Variants in RTKN2 observed in about 807,000 individuals in gnomAD.
The protein encoded by RTKN2 is rhotekin-2.
Under a neutral mutation model 71.5 loss-of-function variants are expected in RTKN2, and 69 were observed. That is an observed-to-expected ratio of 0.96 (90% CI 0.79 to 1.18). The LOEUF (loss-of-function observed/expected upper bound fraction) is 1.18, where lower values mean the gene tolerates loss of function less well. RTKN2 is among the 50% of genes most tolerant of loss of function. The probability of loss-of-function intolerance (pLI) is 0.00; values close to 1 mark genes in which losing one functional copy is unlikely to be tolerated. For synonymous variants in RTKN2, 236 were observed against 236.5 expected, an observed-to-expected ratio of 1.00 and a Z score of 0.02; for missense variants, 724 against 719.7, an observed-to-expected ratio of 1.01 and a Z score of -0.07.
downstream of RTKN2, among the ~76,000 whole-genome samples, chr10:62,190,242 G>A (rs942812792): frequency 2.0e-5 from 3 of 152,148 alleles, no homozygotes; most frequent in Non-Finnish European, 4.4e-5. Context: ...GCAAACCTTG[G>A]TCTCAATGCT....
intron 11 of RTKN2, among the ~76,000 whole-genome samples, chr10:62,198,813 A>T (rs1841383708): frequency 1.3e-5 from 2 of 152,206 alleles, no homozygotes; most frequent in African/African-American, 4.8e-5. Flanking sequence ...TATTTATGAG[A>T]TAACATTTCC....
chr10:62,207,738 AT>A (rs998138478), intron 9 of RTKN2, among the ~76,000 whole-genome samples: 4 of 152,144 alleles, frequency 2.6e-5, no homozygotes, highest in African/African-American at 7.2e-5. Flanking sequence ...TGGCTAAAAA[AT>A]ATTTAAAGAA....
At chr10:62,257,042 G>A (rs1842688909) in intron 2 of RTKN2, among the ~76,000 whole-genome samples, 1 of 152,008 alleles carries the variant, frequency 6.6e-6, no homozygotes, top group Admixed American at 6.6e-5. Flanking sequence ...GGGGATACAA[G>A]GCAAAACTTT....
intron 2 of RTKN2, among the ~76,000 whole-genome samples, chr10:62,257,076 G>A: frequency 6.6e-6 from 1 of 152,266 alleles, no homozygotes; most frequent in East Asian, 1.9e-4. Context: ...ACATTAAATT[G>A]TTCTTAAGTA....
chr10:62,235,633 C>A (rs903809791), intron 6 of RTKN2, among the ~76,000 whole-genome samples: 11 of 151,320 alleles, frequency 7.3e-5, no homozygotes, highest in Non-Finnish European at 1.5e-4. Flanking sequence ...TTAAAAATAT[C>A]ATGGAAAATT....
intron 9 of RTKN2, among the ~76,000 whole-genome samples, chr10:62,208,548 T>C (rs991516085): frequency 1.3e-5 from 2 of 152,206 alleles, no homozygotes; most frequent in African/African-American, 2.4e-5. Flanking sequence ...ACACATGACA[T>C]GTATTTAAAT....
intron 6 of RTKN2, among the ~76,000 whole-genome samples, chr10:62,229,829 TA>T: frequency 6.6e-6 from 1 of 152,330 alleles, no homozygotes; most frequent in Admixed American, 6.5e-5. Context: ...TTAACTACTT[TA>T]AGGTTAATAT....
At chr10:62,228,166 T>C (rs1301655868) in intron 6 of RTKN2, among the ~76,000 whole-genome samples, 9 of 152,114 alleles carry the variant, frequency 5.9e-5, no homozygotes, top group Admixed American at 5.9e-4. Context: ...ATACATGAAA[T>C]TTAATGAAAG....
chr10:62,187,838 T>C (rs1841161302), intron 8 of RTKN2, among the ~76,000 whole-genome samples: 1 of 152,192 alleles, frequency 6.6e-6, no homozygotes, highest in Admixed American at 6.5e-5. Context: ...CTGCCCCAAC[T>C]ACTCAGAGAG....
At chr10:62,248,691 G>A (rs1377106256) in intron 2 of RTKN2, among the ~76,000 whole-genome samples, 3 of 152,114 alleles carry the variant, frequency 2.0e-5, no homozygotes, top group African/African-American at 7.2e-5. Context: ...TCTGCCTGTA[G>A]GTAAATAAAA....
At chr10:62,253,851 C>A (rs1233791779) in intron 2 of RTKN2, among the ~76,000 whole-genome samples, 1 of 151,952 alleles carries the variant, frequency 6.6e-6, no homozygotes, top group East Asian at 1.9e-4. Context: ...ATAATTGATA[C>A]ATGATGAATC....
intron 6 of RTKN2, among the ~76,000 whole-genome samples, chr10:62,230,032 T>C (rs1842115420): frequency 1.3e-5 from 2 of 152,222 alleles, no homozygotes; most frequent in Non-Finnish European, 2.9e-5. Context: ...ATTGTCTAAA[T>C]ATCCCCCAAA....
chr10:62,227,806 C>CGGT (rs1842061154), intron 6 of RTKN2, among the ~76,000 whole-genome samples: 1 of 152,096 alleles, frequency 6.6e-6, no homozygotes, highest in African/African-American at 2.4e-5. Flanking sequence ...TGGAATAGAA[C>CGGT]GGTGGTGGTG....
intron 6 of RTKN2, among the ~76,000 whole-genome samples, chr10:62,225,971 C>T (rs549392964): frequency 2.0e-5 from 3 of 151,996 alleles, no homozygotes; most frequent in African/African-American, 4.8e-5. Context: ...TTAGTAGAGA[C>T]GGGGTTTCAC....
intron 2 of RTKN2, among the ~76,000 whole-genome samples, chr10:62,259,504 T>C (rs1842734547): frequency 6.6e-6 from 1 of 152,206 alleles, no homozygotes; most frequent in African/African-American, 2.4e-5. Context: ...CAACAGATCT[T>C]TTCCCTGCTC....
At chr10:62,207,883 A>G (rs1180430014) in intron 9 of RTKN2, among the ~76,000 whole-genome samples, 1 of 152,192 alleles carries the variant, frequency 6.6e-6, no homozygotes, top group Admixed American at 6.5e-5. Context: ...TATTCTATTA[A>G]GCCCAGCGTT....
chr10:62,217,223 C>T lies in RTKN2; in HGVS notation c.915G>A (p.Trp305Ter). ...QQQMVEGLIS[W>*]RRLYCVLRGG... ...CTCGCAAAACACAATACAACCTTCTCCAACTAATCAGACCTTCTACCATTT... is the reference window on the plus strand; with the variant it reads ...CTCGCAAAACACAATACAACCTTCTTCAACTAATCAGACCTTCTACCATTT... Residue 305 changes from tryptophan (W) to a stop codon, truncating the protein, a stop_gained, in exon 9 of 12, where the codon TGG becomes TGA. Coordinates refer to ENST00000373789, the MANE Select transcript of RTKN2 (RefSeq NM_145307.4). LOFTEE classifies it high-confidence loss of function. The T allele has an allele frequency of 1.3e-6, 2 of 1,585,312 alleles. No individual in the cohort carries two copies. Among genetic ancestry groups the T allele is most frequent in the South Asian group, 2.4e-5 (2 of 84,714 alleles).
chr10:62,204,319 C>T (rs975935395), intron 10 of RTKN2, among the ~76,000 whole-genome samples: 3 of 152,144 alleles, frequency 2.0e-5, no homozygotes, highest in Admixed American at 6.6e-5. Flanking sequence ...TATTACATTA[C>T]CATACATTGT....
In RTKN2 at chr10:62,262,795, G is replaced by C. The variant is rs1381034246; in HGVS notation, c.87C>G (p.Asp29Glu). 1.2e-6 allele frequency: 2 copies of C among 1,607,552 alleles called. No homozygotes were observed. Among genetic ancestry groups the C allele is most frequent in the African/African-American group, 2.7e-5 (2 of 74,508 alleles). ...TTCCTTCTCGCATTCGAATTTCTAA[G>C]TCTATTTTTTCTTGAATGTTGCAGT... ...QQDCNIQEKI[D>E]LEIRMREGIW... Residue 29 changes from aspartate (D) to glutamate (E), a missense_variant, in exon 2 of 12, where the codon GAC (aspartate) becomes GAG (glutamate). Transcript: ENST00000373789.
Sources: gnomAD v4.1 joint callset for allele counts (sites outside exome capture counted in the v4.1 genomes callset) on GRCh38, gnomAD v4.1.1 for gene constraint, MANE v1.5 for transcripts, NCBI Gene and HGNC (gene_info 2026-07-23, HGNC 2026-07-21) for gene names.